ABCA5: variants seen among roughly 807,000 people sequenced by gnomAD.
ABCA5 encodes cholesterol transporter ABCA5.
Under a neutral mutation model 206.0 loss-of-function variants are expected in ABCA5, and 163 were observed. The ratio of observed to expected loss-of-function variants is 0.79; its 90% CI spans 0.70 to 0.90. ABCA5 has a LOEUF of 0.90. Among genes scored for constraint, ABCA5 ranks in the 40% least tolerant of loss-of-function variants. The pLI is 0.00. For missense variants in ABCA5, 1,859 were observed against 1,912.9 expected, an observed-to-expected ratio of 0.97 and a Z score of 0.53; for synonymous variants, 609 against 613.8, an observed-to-expected ratio of 0.99 and a Z score of 0.11.
intron 14 of ABCA5, among the ~76,000 whole-genome samples, chr17:69,288,602 C>T (rs1167574984): frequency 6.6e-6 from 1 of 151,788 alleles, no homozygotes; most frequent in African/African-American, 2.4e-5. Flanking sequence ...GGCGTGGTGG[C>T]TCATGCCTGT....
Position 69,277,780 on chromosome 17 carries a change from T to C in ABCA5, c.2455A>G (p.Met819Val), listed in dbSNP as rs1273625054. 4 of 1,589,284 alleles carry C rather than the reference T, an allele frequency of 2.5e-6. No individual in the cohort carries two copies. In the Admixed American group the frequency reaches 7.3e-5, roughly 29 times the overall value. ...GAAAGAATAAGTAAGCTCTGTTCCA[T>C]TTCATCAAAAGATTTTGAATCCATT... is the stretch of plus-strand genomic sequence containing the variant. ...EEMDSKSFDE[M>V]EQSLLILSET... is the part of the protein sequence containing the mutation. The change falls in exon 19 of 39, where the codon ATG becomes GTG. Residue 819 changes from methionine to valine, a missense_variant. Transcript: ENST00000392676.
intron 1 of ABCA5, among the ~76,000 whole-genome samples, chr17:69,322,138 G>A (rs764189386): frequency 4.6e-5 from 7 of 152,028 alleles, no homozygotes; most frequent in Non-Finnish European, 7.4e-5. Flanking sequence ...TTGGGAGGCT[G>A]AGGCGGGAAG....
In ABCA5 at chr17:69,253,628, T is replaced by A; in HGVS notation, c.4360A>T (p.Thr1454Ser). ...CCTGTAGATGGTTCATCTAGCAAAG[T>A]AATCTGAGGATTCCCTAGCATACTT... ...ALSMLGNPQI[T>S]LLDEPSTGMD... Residue 1454 changes from threonine to serine, a missense_variant, in exon 34 of 39, where the codon ACT (threonine) becomes TCT (serine). Physicochemically the swap from Thr to Ser is moderately conservative, Grantham distance 58. Coordinates refer to ENST00000392676, the MANE Select transcript of ABCA5 (RefSeq NM_172232.4). 1 of 1,613,854 alleles carries A rather than the reference T, an allele frequency of 6.2e-7. No homozygotes were observed. Among genetic ancestry groups the A allele is most frequent in the Non-Finnish European group, 8.5e-7 (1 of 1,179,850 alleles).
At position 69,268,346 on chromosome 17, in the gene ABCA5, G is replaced by A. The variant is rs535309049; in HGVS notation, c.3031-290C>T. On this transcript the variant is annotated intron_variant, in intron 22 of 38. Transcript: ENST00000392676. ...CAGAATAATCAGGCATATAAATTAC[G>A]CTTCACAATTTCATAAAAATGAATG... Among the ~76,000 whole-genome samples, 5 of 152,044 alleles carry A rather than the reference G, an allele frequency of 3.3e-5. No individual in the cohort carries two copies. The South Asian group carries it at 6.2e-4, about 19-fold the overall frequency.
intron 6 of ABCA5, among the ~76,000 whole-genome samples, chr17:69,305,458 C>A (rs1454523609): frequency 6.6e-6 from 1 of 152,160 alleles, no homozygotes; most frequent in Non-Finnish European, 1.5e-5. Context: ...GCGAAATTAT[C>A]AAAATTGAAT....
chr17:69,299,672 G>T (rs1043168958), intron 9 of ABCA5, among the ~76,000 whole-genome samples: 2 of 151,814 alleles, frequency 1.3e-5, no homozygotes, highest in Admixed American at 1.3e-4. Flanking sequence ...ACATAAGAAC[G>T]ATACAATGGA....
intron 18 of ABCA5, among the ~76,000 whole-genome samples, chr17:69,280,448 A>G (rs2075379518): frequency 6.6e-6 from 1 of 150,574 alleles, no homozygotes; most frequent in Admixed American, 6.6e-5. Flanking sequence ...ACTGTAAACT[A>G]GTTCAACCAT....
At chr17:69,252,475 A>G (rs1341031147) in intron 34 of ABCA5, among the ~76,000 whole-genome samples, 2 of 152,220 alleles carry the variant, frequency 1.3e-5, no homozygotes, top group African/African-American at 4.8e-5. Flanking sequence ...GCTTTGAATC[A>G]TAAGAAAACC....
chr17:69,248,209 T>C (rs2074973195), intron 38 of ABCA5, 53 bp downstream of exon 38: 14 of 1,064,922 alleles, frequency 1.3e-5, no homozygotes, highest in Non-Finnish European at 2.8e-6. Flanking sequence ...AAACAATCGA[T>C]ATCAGATACT....
intron 7 of ABCA5, 34 bp downstream of exon 7, chr17:69,304,635 G>C (rs1218582490): frequency 6.7e-7 from 1 of 1,487,336 alleles, no homozygotes; most frequent in Non-Finnish European, 9.0e-7. Context: ...CATTTTGACA[G>C]TTCTTTATTC....
At chr17:69,262,958 G>A (rs939635141) in intron 24 of ABCA5, among the ~76,000 whole-genome samples, 1 of 151,976 alleles carries the variant, frequency 6.6e-6, no homozygotes, top group African/African-American at 2.4e-5. Flanking sequence ...ATCTTACTGT[G>A]GTTTTGATTT....
At chr17:69,285,818 A>T in intron 17 of ABCA5, 80 bp downstream of exon 17, 2 of 1,407,660 alleles carry the variant, frequency 1.4e-6, no homozygotes, top group South Asian at 3.0e-5. Context: ...ATGGAGAAGG[A>T]AACAAAAAGG....
chr17:69,320,663 G>A lies in ABCA5; in HGVS notation c.-15-6233C>T, dbSNP rs114552664. Among the ~76,000 whole-genome samples the A allele has an allele frequency of 1.9e-3, 292 of 152,174 alleles. 1 individual carries two copies. Among genetic ancestry groups the A allele is most frequent in the African/African-American group, 6.8e-3 (281 of 41,512 alleles). On this transcript the variant is annotated intron_variant, in intron 1 of 38. Coordinates refer to ENST00000392676, the MANE Select transcript of ABCA5 (RefSeq NM_172232.4). ...TCTTCATAAACCTTTAAACTTTAAC[G>A]TTGATCTAAAACAGAAACTTCAAAG...
At chr17:69,254,278 C>G (rs1192738413) in intron 32 of ABCA5, 37 bp downstream of exon 32, 7 of 1,519,962 alleles carry the variant, frequency 4.6e-6, no homozygotes, top group Non-Finnish European at 6.2e-6. Context: ...AACCTTTCCT[C>G]TAAGTAACAA....
At chr17:69,296,132 T>C (rs1181900886) in intron 10 of ABCA5, among the ~76,000 whole-genome samples, 1 of 152,184 alleles carries the variant, frequency 6.6e-6, no homozygotes, top group Non-Finnish European at 1.5e-5. Flanking sequence ...CCAGATGTCA[T>C]TTCATGTCAG....
chr17:69,274,244 G>A, intron 19 of ABCA5, 116 bp from the exon 20 acceptor site: 1 of 986,566 alleles, frequency 1.0e-6, no homozygotes, highest in Non-Finnish European at 1.4e-6. Flanking sequence ...TTTGAGACAG[G>A]GTCTGGTTCT....
At chr17:69,284,942 A>G (rs2075433902) in intron 17 of ABCA5, among the ~76,000 whole-genome samples, 1 of 152,240 alleles carries the variant, frequency 6.6e-6, no homozygotes, top group South Asian at 2.1e-4. Flanking sequence ...AATTTTTCAA[A>G]GAAATGTAAG....
rs969798839 is a variant in ABCA5 at position 69,265,789 on chromosome 17, A to C, written c.3145-884T>G. Among the ~76,000 whole-genome samples, 6 of 152,210 alleles carry C rather than the reference A, an allele frequency of 3.9e-5. 1 individual carries two copies. Among genetic ancestry groups the C allele is most frequent in the Admixed American group, 3.9e-4 (6 of 15,280 alleles). ...TAAAAACATAAGCTAAGGCAAATGCAATTATTTTGGATAATTCAAACTTTT... is the reference window on the plus strand; with the variant it reads ...TAAAAACATAAGCTAAGGCAAATGCCATTATTTTGGATAATTCAAACTTTT... On this transcript the variant is annotated intron_variant, in intron 23 of 38. Coordinates refer to ENST00000392676, the MANE Select transcript of ABCA5 (RefSeq NM_172232.4).
rs1313711549 is a variant in ABCA5 at position 69,260,318 on chromosome 17, A to T, written c.3639+20T>A. On this transcript the variant is annotated intron_variant, in intron 27 of 38. Coordinates refer to ENST00000392676, the MANE Select transcript of ABCA5 (RefSeq NM_172232.4). ...ATTCTTAAGGTACATGCTAATTCAC[A>T]AAAACACTTTATTTCTTACCGATAT... 1.3e-6 allele frequency: 2 copies of T among 1,575,022 alleles called. No homozygotes were observed. The highest frequency in any genetic ancestry group is 2.3e-5 in the East Asian group (1 of 44,196).
Sources: gnomAD v4.1 joint callset for allele counts (sites outside exome capture counted in the v4.1 genomes callset) on GRCh38, gnomAD v4.1.1 for gene constraint, MANE v1.5 for transcripts, NCBI Gene and HGNC (gene_info 2026-07-23, HGNC 2026-07-21) for gene names.